The following BRPF1 variants were observed in gnomAD, a reference collection of about 807,000 sequenced individuals.
The protein encoded by BRPF1 is peregrin.
In BRPF1, 15 loss-of-function variants were observed where a neutral mutation model predicts 115.0. The ratio of observed to expected loss-of-function variants is 0.13; its 90% CI spans 0.09 to 0.20. The LOEUF (loss-of-function observed/expected upper bound fraction) is 0.20, where lower values mean the gene tolerates loss of function less well. BRPF1 is among the 10% of genes least tolerant of loss of function. BRPF1 has a pLI of 1.00. For missense variants in BRPF1, 1,118 were observed against 1,638.3 expected, an observed-to-expected ratio of 0.68 and a Z score of 5.48; for synonymous variants, 647 against 619.8, an observed-to-expected ratio of 1.04 and a Z score of -0.65.
intron 6 of BRPF1, chr3:9,742,375 C>T (rs1229129504): frequency 2.0e-6 from 2 of 985,296 alleles, no homozygotes; most frequent in Non-Finnish European, 2.4e-6. Flanking sequence ...AGGCAGTCTG[C>T]ACTCCTTCCC....
At position 9,742,147 on chromosome 3, in the gene BRPF1, G is replaced by T. The variant is rs766222212; in HGVS notation, c.1977G>T (p.Leu659=). Residue 659 remains leucine (L), a synonymous_variant, in exon 6 of 14, where the codon CTG becomes CTT. Coordinates refer to ENST00000383829, the MANE Select transcript of BRPF1 (RefSeq NM_001003694.2). ...ACATCTTCAGCGAGCCGGTCCCTCT[G>T]TCTGAGGTAACCGAATTGGACGAAG... The part of the protein sequence containing the change: ...TGNIFSEPVP[L]SEVTELDEVP... 32 of 1,614,088 alleles carry T rather than the reference G, an allele frequency of 2.0e-5. No homozygotes were observed. The South Asian group carries it at 3.3e-4, about 17-fold the overall frequency.
In BRPF1 at chr3:9,747,891, AG is replaced by A. The variant is rs1054376577; in HGVS notation, c.*543del. The A allele has an allele frequency of 1.3e-5, 2 of 151,898 alleles. No homozygotes were observed. Among genetic ancestry groups the A allele is most frequent in the Non-Finnish European group, 2.9e-5 (2 of 67,896 alleles). The allele number at this position is 151,898 out of a possible 1,614,324, so 9.4% of individuals were successfully genotyped here. A position where few individuals can be genotyped will look rare whatever the true frequency, so the allele number is the denominator to read the frequency against. ...TTGGTACTAAAAAAAAAAAAAAAAAAGACTGGGGGCTGTCCCCATTTCCCTT... is the reference window on the plus strand; with the variant it reads ...TTGGTACTAAAAAAAAAAAAAAAAAAACTGGGGGCTGTCCCCATTTCCCTT... On this transcript the variant is annotated 3_prime_UTR_variant, in exon 14 of 14. Coordinates refer to ENST00000383829, the MANE Select transcript of BRPF1 (RefSeq NM_001003694.2). The surrounding 1 kb of genome is among the most constrained non-coding windows in gnomAD (Gnocchi z 5.6).
intron 4 of BRPF1, 105 bp from the exon 5 acceptor site, chr3:9,741,203 G>C: frequency 7.3e-7 from 1 of 1,374,896 alleles, no homozygotes; most frequent in African/African-American, 1.5e-5. Context: ...ATAAATTACT[G>C]TGCTCCCTCT....
intron 2 of BRPF1, among the ~76,000 whole-genome samples, chr3:9,738,293 T>C (rs539992608): frequency 6.6e-6 from 1 of 152,356 alleles, no homozygotes; most frequent in South Asian, 2.1e-4. Flanking sequence ...AGTTTTCTTA[T>C]CTGCAAAATG....
intron 13 of BRPF1, 71 bp downstream of exon 13, chr3:9,746,525 C>T: frequency 7.0e-7 from 1 of 1,422,932 alleles, no homozygotes; most frequent in Non-Finnish European, 9.3e-7. Context: ...GGCAGACTGC[C>T]AGGAAACTCC....
Position 9,745,249 on chromosome 3 carries a change from C to G in BRPF1, c.3068+94C>G. 7.0e-7 allele frequency: 1 copy of G among 1,433,828 alleles called. No individual in the cohort carries two copies. Among genetic ancestry groups the G allele is most frequent in the Non-Finnish European group, 9.3e-7 (1 of 1,069,638 alleles). The allele number at this position is 1,433,828 out of a possible 1,614,324, so 88.8% of individuals were successfully genotyped here. ...TTCCCTGTTGGAAGTGGGGTGGCAG[C>G]CATCTCAGTCTAGATTAAGATGGCT... On this transcript the variant is annotated intron_variant, in intron 10 of 13. Coordinates refer to ENST00000383829, the MANE Select transcript of BRPF1 (RefSeq NM_001003694.2). This position sits in a 1 kb window ranked among gnomAD's most constrained non-coding sequence, Gnocchi z 5.1.
intron 2 of BRPF1, among the ~76,000 whole-genome samples, chr3:9,735,008 A>G (rs2076916189): frequency 6.7e-6 from 1 of 149,538 alleles, no homozygotes; most frequent in Non-Finnish European, 1.5e-5. Context: ...AAAGGGTGCC[A>G]GATTTATCCT....
intron 1 of BRPF1, among the ~76,000 whole-genome samples, chr3:9,733,645 C>T (rs2076892717): frequency 6.6e-6 from 1 of 152,132 alleles, no homozygotes; most frequent in South Asian, 2.1e-4. Flanking sequence ...GAGGGCATTC[C>T]AAATAGGGAT....
rs1221779574 is a variant in BRPF1 at position 9,747,244 on chromosome 3, C to A, written c.3558C>A (p.Arg1186=). ...ACAAGGAGAAGATGCTGGAGGGCCGCAAGTCCAACATCCGCAAGTCAGTAC... is the reference window on the plus strand; with the variant it reads ...ACAAGGAGAAGATGCTGGAGGGCCGAAAGTCCAACATCCGCAAGTCAGTAC... ...DLDKEKMLEG[R]KSNIRKSVQI... Residue 1186 remains arginine (R), a synonymous_variant, in exon 14 of 14, where the codon CGC becomes CGA. Coordinates refer to ENST00000383829, the MANE Select transcript of BRPF1 (RefSeq NM_001003694.2). This position sits in a 1 kb window ranked among gnomAD's most constrained non-coding sequence, Gnocchi z 5.6. 6.2e-7 allele frequency: 1 copy of A among 1,614,070 alleles called. No homozygotes were observed. Among genetic ancestry groups the A allele is most frequent in the Non-Finnish European group, 8.5e-7 (1 of 1,180,054 alleles).
At chr3:9,746,481 TC>T in intron 13 of BRPF1, 27 bp downstream of exon 13, 1 of 1,539,604 alleles carries the variant, frequency 6.5e-7, no homozygotes, top group Non-Finnish European at 8.8e-7. Flanking sequence ...TTGGTGTGAC[TC>T]ACAGCCACAG....
In BRPF1 at chr3:9,732,076, C is replaced by T. The variant is rs1284430340; in HGVS notation, c.-73C>T. The T allele has an allele frequency of 6.6e-6, 1 of 152,414 alleles. No homozygotes were observed. The highest frequency in any genetic ancestry group is 6.5e-5 in the Admixed American group (1 of 15,296). The allele number at this position is 152,414 out of a possible 1,614,324, so 9.4% of individuals were successfully genotyped here. Reference sequence around the variant, plus strand: ...CCGGCCCGACTTTCCCCGCCGACCTCCCCAAGTGGGGTCGGAGCCCCGGCG... The same window carrying T: ...CCGGCCCGACTTTCCCCGCCGACCTTCCCAAGTGGGGTCGGAGCCCCGGCG... On this transcript the variant is annotated 5_prime_UTR_variant, in exon 1 of 14. Coordinates refer to ENST00000383829, the MANE Select transcript of BRPF1 (RefSeq NM_001003694.2).
intron 1 of BRPF1, among the ~76,000 whole-genome samples, chr3:9,733,843 T>G (rs765611098): frequency 3.9e-5 from 6 of 152,214 alleles, no homozygotes; most frequent in Non-Finnish European, 8.8e-5. Context: ...AGGCTTTTAA[T>G]GAAGAGAGTG....
intron 9 of BRPF1, 64 bp from the exon 10 acceptor site, chr3:9,744,944 A>T (rs1488442031): frequency 1.2e-6 from 2 of 1,606,024 alleles, no homozygotes; most frequent in Admixed American, 3.3e-5. Context: ...TCTTACCTCC[A>T]TGTCATCTCT....
chr3:9,743,976 A>G lies in BRPF1; in HGVS notation c.2635+75A>G. The G allele has an allele frequency of 1.4e-6, 2 of 1,471,126 alleles. No individual in the cohort carries two copies. Among genetic ancestry groups the G allele is most frequent in the East Asian group, 2.3e-5 (1 of 42,696 alleles). 91.1% of individuals were successfully genotyped at this position (1,471,126 alleles called of 1,614,324 possible). On this transcript the variant is annotated intron_variant, in intron 8 of 13. Coordinates refer to ENST00000383829, the MANE Select transcript of BRPF1 (RefSeq NM_001003694.2). The surrounding 1 kb of genome is among the most constrained non-coding windows in gnomAD (Gnocchi z 6.1). ...CTGCAGCACACACTCAACCCCTGCC[A>G]TTCCCCAGGCAGAGGTCCCTCCTAC... is the stretch of plus-strand genomic sequence containing the variant.
intron 3 of BRPF1, among the ~76,000 whole-genome samples, chr3:9,740,182 G>A (rs774586813): frequency 9.2e-5 from 14 of 152,230 alleles, no homozygotes; most frequent in South Asian, 2.1e-4. Context: ...GCTAACAGGC[G>A]TTTTGGAACT....
rs2076856744 is a variant in BRPF1 at position 9,731,846 on chromosome 3, TC to T, written c.-301del. 1 of 153,184 alleles carries T rather than the reference TC, an allele frequency of 6.5e-6. No individual in the cohort carries two copies. The highest frequency in any genetic ancestry group is 6.5e-5 in the Admixed American group (1 of 15,278). The allele number at this position is 153,184 out of a possible 1,614,324, so 9.5% of individuals were successfully genotyped here. ...CGCTGCCTCTGGGAGCCTCCATTGT[TC>T]CAGCAGCGCCCGGTCCCGAGACCGG... is the stretch of plus-strand genomic sequence containing the variant. On this transcript the variant is annotated 5_prime_UTR_variant, in exon 1 of 14. Transcript: ENST00000383829.
At chr3:9,741,219 C>G (rs2077023737) in intron 4 of BRPF1, 89 bp from the exon 5 acceptor site, 1 of 1,473,912 alleles carries the variant, frequency 6.8e-7, no homozygotes, top group Non-Finnish European at 9.1e-7. Context: ...CCTCTTTTGG[C>G]TTGACCTGAG....
At position 9,747,047 on chromosome 3, in the gene BRPF1, G is replaced by C; in HGVS notation, c.3480-119G>C. On this transcript the variant is annotated intron_variant, in intron 13 of 13. Coordinates refer to ENST00000383829, the MANE Select transcript of BRPF1 (RefSeq NM_001003694.2). The surrounding 1 kb of genome is among the most constrained non-coding windows in gnomAD (Gnocchi z 5.6). ...CCATGAACAGTCCTTTGAGGGCAGG[G>C]ACCATCACAGAGTCTGGCCAGAGTG... 9.2e-7 allele frequency: 1 copy of C among 1,081,256 alleles called. No homozygotes were observed. Among genetic ancestry groups the C allele is most frequent in the Non-Finnish European group, 1.4e-6 (1 of 718,636 alleles). 67.0% of individuals were successfully genotyped at this position (1,081,256 alleles called of 1,614,324 possible).
chr3:9,741,091 T>C lies in BRPF1; in HGVS notation c.1722+150T>C, dbSNP rs1575158744. 3 of 1,031,324 alleles carry C rather than the reference T, an allele frequency of 2.9e-6. No homozygotes were observed. In the East Asian group the frequency reaches 7.8e-5, roughly 27 times the overall value. The allele number at this position is 1,031,324 out of a possible 1,614,324, so 63.9% of individuals were successfully genotyped here. A position where few individuals can be genotyped will look rare whatever the true frequency, so the allele number is the denominator to read the frequency against. On this transcript the variant is annotated intron_variant, in intron 4 of 13. Transcript: ENST00000383829. ...ACCAGGATCAGCATGGAATGTTCAATGAAAAGATGTTGTTCCTATGTGTTT... is the reference window on the plus strand; with the variant it reads ...ACCAGGATCAGCATGGAATGTTCAACGAAAAGATGTTGTTCCTATGTGTTT...
Sources: gnomAD v4.1 joint callset for allele counts (sites outside exome capture counted in the v4.1 genomes callset) on GRCh38, gnomAD v4.1.1 for gene constraint, Gnocchi (gnomAD v3.1) non-coding constraint, MANE v1.5 for transcripts, NCBI Gene and HGNC (gene_info 2026-07-23, HGNC 2026-07-21) for gene names.